Variants in EYS observed in about 807,000 individuals in gnomAD.
EYS encodes the protein EGF-like photoreceptor maintenance factor, also known as protein eyes shut homolog.
In EYS, 250 loss-of-function variants were observed where a neutral mutation model predicts 282.1. The observed-to-expected ratio is 0.89, with a 90% CI of 0.80 to 0.98. EYS has a LOEUF of 0.98. Among genes scored for constraint, EYS ranks in the 50% least tolerant of loss-of-function variants. The pLI, the probability that EYS is intolerant of heterozygous loss-of-function variation, is 0.00. For synonymous variants in EYS, 1,355 were observed against 1,282.9 expected, an observed-to-expected ratio of 1.06 and a Z score of -1.20; for missense variants, 4,016 against 3,709.0, an observed-to-expected ratio of 1.08 and a Z score of -2.15.
chr6:64,796,436 AC>A (rs1774356541), intron 22 of EYS, among the ~76,000 whole-genome samples: 1 of 152,162 alleles, frequency 6.6e-6, no homozygotes, highest in African/African-American at 2.4e-5. Flanking sequence ...AGGATATAAG[AC>A]AGTCCCACAG....
chr6:65,370,284 T>G (rs900466595), intron 8 of EYS, among the ~76,000 whole-genome samples: 3 of 145,200 alleles, frequency 2.1e-5, no homozygotes, highest in African/African-American at 7.7e-5. Context: ...AAACAGGATC[T>G]TACTCTATTA....
At chr6:64,138,068 G>A (rs577396734) in intron 31 of EYS, among the ~76,000 whole-genome samples, 3 of 152,230 alleles carry the variant, frequency 2.0e-5, no homozygotes, top group African/African-American at 4.8e-5. Context: ...AAGCCAAAGC[G>A]AGATGAAGCA....
intron 30 of EYS, among the ~76,000 whole-genome samples, chr6:64,256,838 G>A (rs1319569380): frequency 6.6e-6 from 1 of 152,038 alleles, no homozygotes; most frequent in African/African-American, 2.4e-5. Context: ...GAGAGGCAGA[G>A]AGATCAAGAT....
chr6:64,491,498 T>G (rs1776740522), intron 26 of EYS, among the ~76,000 whole-genome samples: 1 of 151,044 alleles, frequency 6.6e-6, no homozygotes, highest in South Asian at 2.1e-4. Flanking sequence ...ATATTTGAAA[T>G]TTTTATTTAA....
At chr6:65,683,211 C>T (rs1231202618) in intron 1 of EYS, among the ~76,000 whole-genome samples, 1 of 151,918 alleles carries the variant, frequency 6.6e-6, no homozygotes, top group Admixed American at 6.6e-5. Context: ...TATTTTACAG[C>T]AGTATTATAT....
At chr6:65,030,127 G>A (rs139664560) in intron 13 of EYS, among the ~76,000 whole-genome samples, 62 of 152,248 alleles carry the variant, frequency 4.1e-4, no homozygotes, top group African/African-American at 1.3e-3. Flanking sequence ...CACATTCCCC[G>A]AAGTGTCTGT....
chr6:65,098,058 A>G (rs1774790209), intron 12 of EYS, among the ~76,000 whole-genome samples: 1 of 150,566 alleles, frequency 6.6e-6, no homozygotes, highest in Non-Finnish European at 1.5e-5. Context: ...ATATCTCAAA[A>G]TGTCCTACCA....
intron 12 of EYS, among the ~76,000 whole-genome samples, chr6:65,134,285 C>T (rs1487232301): frequency 6.6e-6 from 1 of 152,026 alleles, no homozygotes; most frequent in Non-Finnish European, 1.5e-5. Context: ...ACCATAAAGA[C>T]ACATGCATGC....
chr6:63,802,513 G>A (rs1285505662), intron 37 of EYS, among the ~76,000 whole-genome samples: 1 of 151,542 alleles, frequency 6.6e-6, no homozygotes, highest in Non-Finnish European at 1.5e-5. Flanking sequence ...TAAGATTCTT[G>A]ATAAAATTTT....
At chr6:64,723,235 A>G (rs1771645904) in intron 22 of EYS, among the ~76,000 whole-genome samples, 1 of 152,162 alleles carries the variant, frequency 6.6e-6, no homozygotes, top group African/African-American at 2.4e-5. Flanking sequence ...ATTCCTTGTC[A>G]TTATCCTTGT....
In EYS at chr6:64,014,095, C is replaced by A. The variant is rs191247892; in HGVS notation, c.6726-14912G>T. Among the ~76,000 whole-genome samples the A allele has an allele frequency of 1.6e-3, 250 of 152,096 alleles. 2 individuals carry two copies. The East Asian group carries it at 0.036, about 22-fold the overall frequency. The stretch of plus-strand genomic sequence containing the variant: ...ACATTGATTTCTGATCCTTTCATCT[C>A]AAACATTTGAACTCACACACACACA... On this transcript the variant is annotated intron_variant, in intron 33 of 42. Transcript: ENST00000503581.
intron 22 of EYS, among the ~76,000 whole-genome samples, chr6:64,708,015 CA>C (rs147355945): frequency 3.0e-4 from 45 of 150,242 alleles, no homozygotes; most frequent in East Asian, 2.1e-3. Context: ...ATATACAGCA[CA>C]AAAAAAAACC....
At chr6:63,816,094 A>T (rs947054325) in intron 36 of EYS, among the ~76,000 whole-genome samples, 4 of 152,226 alleles carry the variant, frequency 2.6e-5, no homozygotes, top group African/African-American at 7.2e-5. Flanking sequence ...TTTCAAAAGC[A>T]TATAAAAAGA....
intron 32 of EYS, among the ~76,000 whole-genome samples, chr6:64,069,684 G>C (rs554139227): frequency 6.6e-6 from 1 of 152,048 alleles, no homozygotes; most frequent in Admixed American, 6.6e-5. Context: ...ACACTATAAA[G>C]TATTTAAAAA....
intron 35 of EYS, among the ~76,000 whole-genome samples, chr6:63,963,754 G>A (rs924013626): frequency 2.6e-5 from 4 of 152,174 alleles, no homozygotes; most frequent in Non-Finnish European, 4.4e-5. Context: ...TATACCATTG[G>A]AGAATATTTT....
chr6:64,293,293 T>C (rs1271589674), intron 30 of EYS, among the ~76,000 whole-genome samples: 1 of 152,100 alleles, frequency 6.6e-6, no homozygotes, highest in Admixed American at 6.6e-5. Context: ...TTACCACAAA[T>C]GTATAAAAAC....
chr6:64,548,960 C>T (rs889361550), intron 26 of EYS, among the ~76,000 whole-genome samples: 3 of 152,138 alleles, frequency 2.0e-5, no homozygotes, highest in African/African-American at 7.2e-5. Context: ...CAAGGAACAG[C>T]GTCTACAGTG....
At chr6:63,833,413 T>C (rs1451064646) in intron 36 of EYS, among the ~76,000 whole-genome samples, 2 of 152,248 alleles carry the variant, frequency 1.3e-5, no homozygotes, top group South Asian at 4.2e-4. Context: ...AGCATTCCTA[T>C]ACACCAATAA....
At chr6:64,667,244 T>C (rs1769265543) in intron 22 of EYS, among the ~76,000 whole-genome samples, 1 of 150,470 alleles carries the variant, frequency 6.6e-6, no homozygotes, top group South Asian at 2.1e-4. Context: ...CATCATTTAT[T>C]GGTATCTAAG....
Sources: gnomAD v4.1 joint callset for allele counts (sites outside exome capture counted in the v4.1 genomes callset) on GRCh38, gnomAD v4.1.1 for gene constraint, MANE v1.5 for transcripts, NCBI Gene and HGNC (gene_info 2026-07-23, HGNC 2026-07-21) for gene names.